The following FGF12 variants were observed in gnomAD, a reference collection of about 807,000 sequenced individuals.
FGF12 encodes fibroblast growth factor 12.
FGF12 carries 14 observed loss-of-function variants against 23.6 expected under a neutral mutation model. The ratio of observed to expected loss-of-function variants is 0.59; its 90% CI spans 0.39 to 0.93. The LOEUF (loss-of-function observed/expected upper bound fraction) is 0.93, where lower values mean the gene tolerates loss of function less well. FGF12 is among the 40% of genes least tolerant of loss of function. FGF12 has a pLI of 0.00. For synonymous variants in FGF12, 62 were observed against 77.3 expected (o/e 0.80, Z 1.04); for missense variants, 175 against 217.8 (o/e 0.80, Z 1.24).
At chr3:192,517,762 T>C (rs1724707336) in intron 2 of FGF12, among the ~76,000 whole-genome samples, 1 of 152,186 alleles carries the variant, frequency 6.6e-6, no homozygotes, top group South Asian at 2.1e-4. Context: ...ATCAGTAGAA[T>C]TGTATTACTT....
At chr3:192,653,852 T>C (rs571541062) in intron 2 of FGF12, among the ~76,000 whole-genome samples, 2 of 152,150 alleles carry the variant, frequency 1.3e-5, no homozygotes, top group South Asian at 4.1e-4. Flanking sequence ...GTAGCTGGGA[T>C]TACAGGTGCA....
intron 2 of FGF12, among the ~76,000 whole-genome samples, chr3:192,525,814 C>T (rs1724929116): frequency 6.6e-6 from 1 of 152,250 alleles, no homozygotes; most frequent in Non-Finnish European, 1.5e-5. Flanking sequence ...CTCACTCTGT[C>T]GCCAGGCTGG....
chr3:192,154,045 C>G (rs1316010690), intron 5 of FGF12, among the ~76,000 whole-genome samples: 1 of 103,334 alleles, frequency 9.7e-6, no homozygotes, highest in Non-Finnish European at 2.1e-5. Context: ...AACTTCCCTT[C>G]TCGCTTCATT....
At chr3:192,540,802 T>C (rs992740458) in intron 2 of FGF12, among the ~76,000 whole-genome samples, 20 of 152,216 alleles carry the variant, frequency 1.3e-4, no homozygotes, top group African/African-American at 4.6e-4. Context: ...ATTTCCTTTA[T>C]ATATCTGGGT....
At chr3:192,401,050 T>C (rs917602500) in intron 2 of FGF12, among the ~76,000 whole-genome samples, 10 of 152,208 alleles carry the variant, frequency 6.6e-5, no homozygotes, top group African/African-American at 1.9e-4. Flanking sequence ...GAAGTTACAA[T>C]GAAATTTTTC....
rs565243338 is a variant in FGF12, at chr3:192,403,438, A to G, written c.14-42900T>C. On this transcript the variant is annotated intron_variant, in intron 2 of 5. Transcript: ENST00000445105. ...TAAAATGTTCCTACAATGGAAACAT[A>G]ATTTGTTGTTGAGAATGCACTGCTG... Among the ~76,000 whole-genome samples the G allele has an allele frequency of 2.0e-5, 3 of 152,306 alleles. No individual in the cohort carries two copies. The South Asian group carries it at 6.2e-4, about 32-fold the overall frequency.
At chr3:192,418,459 G>A (rs1397478265) in intron 2 of FGF12, among the ~76,000 whole-genome samples, 1 of 152,058 alleles carries the variant, frequency 6.6e-6, no homozygotes, top group African/African-American at 2.4e-5. Flanking sequence ...TTGAACCACA[G>A]AAAAATATCA....
chr3:192,692,854 A>G (rs1717989167), intron 2 of FGF12, among the ~76,000 whole-genome samples: 1 of 152,192 alleles, frequency 6.6e-6, no homozygotes, highest in Non-Finnish European at 1.5e-5. Context: ...AATAGTCTAC[A>G]TGACAATCAA....
intron 2 of FGF12, among the ~76,000 whole-genome samples, chr3:192,467,626 G>A (rs1396954262): frequency 1.3e-5 from 2 of 152,188 alleles, no homozygotes; most frequent in Non-Finnish European, 2.9e-5. Context: ...CACTTACAGA[G>A]AGGAAGGTCT....
chr3:192,714,311 T>C (rs13069056), intron 2 of FGF12, among the ~76,000 whole-genome samples: 33,072 of 151,898 alleles, frequency 0.22, 3,915 homozygotes, highest in East Asian at 0.38. Context: ...GGAAGGGTCA[T>C]CATAATATCA....
intron 4 of FGF12, among the ~76,000 whole-genome samples, chr3:192,242,166 T>C (rs2108596050): frequency 6.6e-6 from 1 of 152,158 alleles, no homozygotes; most frequent in Admixed American, 6.5e-5. Context: ...TAAAATAAAT[T>C]GATGAATTAG....
At chr3:192,556,698 A>C (rs1270029919) in intron 2 of FGF12, among the ~76,000 whole-genome samples, 1 of 152,190 alleles carries the variant, frequency 6.6e-6, no homozygotes, top group Non-Finnish European at 1.5e-5. Context: ...AACATTCTAC[A>C]GCAGAAGATA....
intron 2 of FGF12, among the ~76,000 whole-genome samples, chr3:192,427,332 G>A (rs1721719263): frequency 6.6e-6 from 1 of 151,056 alleles, no homozygotes; most frequent in Non-Finnish European, 1.5e-5. Context: ...AGTGAGCTGA[G>A]ACTGCCATTG....
At chr3:192,286,160 T>A (rs1024734982) in intron 4 of FGF12, among the ~76,000 whole-genome samples, 3 of 151,632 alleles carry the variant, frequency 2.0e-5, no homozygotes, top group African/African-American at 7.3e-5. Context: ...AGCTAAGGAG[T>A]AAAAGGATCA....
At chr3:192,563,599 A>T (rs1439010565) in intron 2 of FGF12, among the ~76,000 whole-genome samples, 2 of 152,262 alleles carry the variant, frequency 1.3e-5, no homozygotes. Flanking sequence ...CAAGTTTAAA[A>T]GTATGAACAC....
chr3:192,597,265 C>G (rs193287840), intron 2 of FGF12, among the ~76,000 whole-genome samples: 1 of 152,238 alleles, frequency 6.6e-6, no homozygotes, highest in African/African-American at 2.4e-5. Context: ...ATTCCCACTA[C>G]ATCCTCAAAA....
At chr3:192,569,075 C>T (rs1284708196) in intron 2 of FGF12, among the ~76,000 whole-genome samples, 1 of 152,076 alleles carries the variant, frequency 6.6e-6, no homozygotes, top group African/African-American at 2.4e-5. Flanking sequence ...AATGTGAAAC[C>T]AACTGGTTAA....
At chr3:192,694,138 T>C (rs1340907866) in intron 2 of FGF12, among the ~76,000 whole-genome samples, 4 of 152,080 alleles carry the variant, frequency 2.6e-5, no homozygotes, top group Non-Finnish European at 5.9e-5. Context: ...ATAAAACAGG[T>C]ATGTGAAAAG....
chr3:192,171,156 G>A (rs1222000715), intron 4 of FGF12, among the ~76,000 whole-genome samples: 1 of 152,150 alleles, frequency 6.6e-6, no homozygotes, highest in African/African-American at 2.4e-5. Flanking sequence ...CCTAAAGTCA[G>A]TAACTTCCTC....
Sources: gnomAD v4.1 joint callset for allele counts (sites outside exome capture counted in the v4.1 genomes callset) on GRCh38, gnomAD v4.1.1 for gene constraint, MANE v1.5 for transcripts, NCBI Gene and HGNC (gene_info 2026-07-23, HGNC 2026-07-21) for gene names.